Variants in CHST8 observed in about 807,000 individuals in gnomAD.
CHST8 encodes GALNAC-4-ST1.
CHST8 carries 10 observed loss-of-function variants against 15.0 expected under a neutral mutation model. The observed-to-expected ratio is 0.67, with a 90% confidence interval of 0.41 to 1.13. The LOEUF is 1.13. Among genes scored for constraint, CHST8 ranks in the 50% most tolerant of loss-of-function variants. CHST8 has a pLI of 0.00. For missense variants in CHST8, 634 were observed against 608.2 expected, an observed-to-expected ratio of 1.04 and a Z score of -0.45; for synonymous variants, 259 against 256.6, an observed-to-expected ratio of 1.01 and a Z score of -0.09.
At chr19:33,659,330 G>T (rs1224323426) in intron 1 of CHST8, among the ~76,000 whole-genome samples, 1 of 152,120 alleles carries the variant, frequency 6.6e-6, no homozygotes, top group Non-Finnish European at 1.5e-5. Flanking sequence ...CTCCCAAAGT[G>T]CTGGGATTAC....
At position 33,706,111 on chromosome 19, in the gene CHST8, A is replaced by G. The variant is rs117453621; in HGVS notation, c.130+16720A>G. 2.8e-4 allele frequency among the ~76,000 whole-genome samples: 42 copies of G among 152,334 alleles called. 1 individual carries two copies. The East Asian group carries it at 5.6e-3, about 20-fold the overall frequency. The stretch of plus-strand genomic sequence containing the variant: ...TGCTTGAACTAAAACCCGGTTCCTC[A>G]GATCCCAAAAGTCTGAAGTCTTCTT... On this transcript the variant is annotated intron_variant, in intron 3 of 4. Coordinates refer to ENST00000650847, the MANE Select transcript of CHST8 (RefSeq NM_001127895.2).
intron 1 of CHST8, among the ~76,000 whole-genome samples, chr19:33,641,460 G>T (rs1284243674): frequency 4.6e-5 from 7 of 152,200 alleles, no homozygotes; most frequent in African/African-American, 1.7e-4. Context: ...GGCTCCCCCA[G>T]ATCTGAGCTG....
At chr19:33,644,950 T>C (rs1220345253) in intron 1 of CHST8, among the ~76,000 whole-genome samples, 4 of 152,154 alleles carry the variant, frequency 2.6e-5, no homozygotes, top group African/African-American at 4.8e-5. Context: ...GCCTGGGCGA[T>C]TGTATTCCCA....
At position 33,659,394 on chromosome 19, in the gene CHST8, C is replaced by T. The variant is rs555904931; in HGVS notation, c.-163-8373C>T. ...AATGACTTCTATTGAGATTTTTTTC[C>T]TGTAGTCCAATATAAGCCCATTTTG... On this transcript the variant is annotated intron_variant, in intron 1 of 4. Coordinates refer to ENST00000650847, the MANE Select transcript of CHST8 (RefSeq NM_001127895.2). 6.6e-5 allele frequency among the ~76,000 whole-genome samples: 10 copies of T among 152,028 alleles called. No individual in the cohort carries two copies. In the East Asian group the frequency reaches 1.9e-3, roughly 29 times the overall value.
chr19:33,707,887 G>A (rs1431079530), intron 3 of CHST8, among the ~76,000 whole-genome samples: 2 of 152,194 alleles, frequency 1.3e-5, no homozygotes, highest in African/African-American at 2.4e-5. Flanking sequence ...GGGTATGAAG[G>A]TTCCAATTGC....
At chr19:33,622,589 C>T (rs1051855518) in intron 1 of CHST8, among the ~76,000 whole-genome samples, 5 of 152,182 alleles carry the variant, frequency 3.3e-5, no homozygotes, top group African/African-American at 1.2e-4. Flanking sequence ...CCTCTTGGTC[C>T]CTGCGGACTC....
chr19:33,673,902 C>T (rs754807080), intron 2 of CHST8, among the ~76,000 whole-genome samples: 1 of 152,156 alleles, frequency 6.6e-6, no homozygotes, highest in South Asian at 2.1e-4. Flanking sequence ...TACAGGCTCG[C>T]GCCATCACAT....
At chr19:33,762,528 C>T (rs889692651) in intron 3 of CHST8, among the ~76,000 whole-genome samples, 4 of 152,222 alleles carry the variant, frequency 2.6e-5, no homozygotes, top group African/African-American at 7.2e-5. Context: ...AGGCGCTCAT[C>T]GGCCAGAGAC....
intron 3 of CHST8, among the ~76,000 whole-genome samples, chr19:33,757,263 G>A (rs1599628503): frequency 1.3e-5 from 2 of 151,084 alleles, no homozygotes; most frequent in East Asian, 2.0e-4. Context: ...GGTGGCGCAC[G>A]CCTGCTACTC....
At chr19:33,766,128 G>A (rs927993247) in intron 3 of CHST8, among the ~76,000 whole-genome samples, 27 of 151,678 alleles carry the variant, frequency 1.8e-4, no homozygotes, top group African/African-American at 4.6e-4. Context: ...AACCCGTCTC[G>A]CTCTCTCCTC....
intron 3 of CHST8, among the ~76,000 whole-genome samples, chr19:33,691,306 C>T (rs2110590): frequency 3.5e-4 from 54 of 152,302 alleles, no homozygotes; most frequent in African/African-American, 1.2e-3. Context: ...GCTGGCAGAC[C>T]TGGCAAGGAG....
chr19:33,762,521 C>T lies in CHST8; in HGVS notation c.131-8892C>T, dbSNP rs547292041. 6.6e-5 allele frequency among the ~76,000 whole-genome samples: 10 copies of T among 152,354 alleles called. No homozygotes were observed. In the East Asian group the frequency reaches 1.2e-3, roughly 18 times the overall value. On this transcript the variant is annotated intron_variant, in intron 3 of 4. Transcript: ENST00000650847. ...AACAAGTGCGGTCAGAGCCGTCAGG[C>T]GCTCATCGGCCAGAGACAGGAAGAT...
chr19:33,659,963 T>C (rs1020249973), intron 1 of CHST8, among the ~76,000 whole-genome samples: 5 of 152,208 alleles, frequency 3.3e-5, no homozygotes, highest in Non-Finnish European at 7.3e-5. Context: ...ACGGGGCTGA[T>C]CCCTGGAATC....
chr19:33,733,675 C>T (rs1974033253), intron 3 of CHST8, among the ~76,000 whole-genome samples: 1 of 152,104 alleles, frequency 6.6e-6, no homozygotes, highest in Admixed American at 6.5e-5. Flanking sequence ...TGATTTATGC[C>T]CTCATTTCTT....
intron 3 of CHST8, among the ~76,000 whole-genome samples, chr19:33,748,251 T>A (rs1195035800): frequency 6.6e-6 from 1 of 152,198 alleles, no homozygotes; most frequent in African/African-American, 2.4e-5. Context: ...TCAGGGACCC[T>A]CCACATCCCC....
chr19:33,632,000 C>T (rs1396398758), intron 1 of CHST8, among the ~76,000 whole-genome samples: 2 of 152,222 alleles, frequency 1.3e-5, no homozygotes, highest in Admixed American at 6.5e-5. Context: ...TATTACTACT[C>T]CCGTTTTATC....
chr19:33,722,449 G>A lies in CHST8; in HGVS notation c.130+33058G>A, dbSNP rs571390554. On this transcript the variant is annotated intron_variant, in intron 3 of 4. Transcript: ENST00000650847. ...CAAAGATTTGTTGGTAGACTGAACC[G>A]TAGCCCCTCTGGGGACTAAATTCTC... Among the ~76,000 whole-genome samples, 11 of 152,296 alleles carry A rather than the reference G, an allele frequency of 7.2e-5. No individual in the cohort carries two copies. In the South Asian group the frequency reaches 1.7e-3, roughly 23 times the overall value.
intron 1 of CHST8, among the ~76,000 whole-genome samples, chr19:33,652,331 CT>C (rs565022363): frequency 1.9e-4 from 22 of 114,382 alleles, no homozygotes; most frequent in African/African-American, 6.4e-4. Context: ...AGTTGGTTTT[CT>C]TTTTTTTTGT....
At chr19:33,748,315 C>A (rs1490868484) in intron 3 of CHST8, among the ~76,000 whole-genome samples, 1 of 152,270 alleles carries the variant, frequency 6.6e-6, no homozygotes, top group African/African-American at 2.4e-5. Flanking sequence ...TGGGTCCGAA[C>A]CTGACCAAGT....
Sources: gnomAD v4.1 joint callset for allele counts (sites outside exome capture counted in the v4.1 genomes callset) on GRCh38, gnomAD v4.1.1 for gene constraint, MANE v1.5 for transcripts, NCBI Gene and HGNC (gene_info 2026-07-23, HGNC 2026-07-21) for gene names.